Variants in PXDNL observed in about 807,000 individuals in gnomAD.
The protein encoded by PXDNL is peroxidasin like.
In PXDNL, 145 loss-of-function variants were observed where a neutral mutation model predicts 150.8. The ratio of observed to expected loss-of-function variants is 0.96; its 90% CI spans 0.84 to 1.10. PXDNL has a LOEUF of 1.10. Ranked by LOEUF, PXDNL falls within the 50% of genes least tolerant of loss-of-function variation. The pLI is 0.00. For synonymous variants in PXDNL, 757 were observed against 725.7 expected (o/e 1.04, Z -0.69); for missense variants, 2,087 against 1,873.9 (o/e 1.11, Z -2.10).
At chr8:51,625,123 TAG>T (rs1203380808) in intron 2 of PXDNL, among the ~76,000 whole-genome samples, 1 of 152,030 alleles carries the variant, frequency 6.6e-6, no homozygotes, top group Non-Finnish European at 1.5e-5. Flanking sequence ...AGCTACACAA[TAG>T]AGAGAGCATT....
intron 17 of PXDNL, among the ~76,000 whole-genome samples, chr8:51,375,038 T>C (rs1168467666): frequency 6.6e-6 from 1 of 152,150 alleles, no homozygotes; most frequent in Admixed American, 6.5e-5. Context: ...TATATATATA[T>C]ATGCAAGTGT....
At chr8:51,442,658 T>G (rs1371505963) in intron 12 of PXDNL, among the ~76,000 whole-genome samples, 1 of 151,964 alleles carries the variant, frequency 6.6e-6, no homozygotes, top group Non-Finnish European at 1.5e-5. Flanking sequence ...TAAAATATGT[T>G]AATTAATAAA....
intron 1 of PXDNL, among the ~76,000 whole-genome samples, chr8:51,673,676 T>C (rs1384898764): frequency 1.3e-5 from 2 of 152,176 alleles, no homozygotes; most frequent in African/African-American, 2.4e-5. Context: ...GTTTTTAACT[T>C]TTTCAATCCT....
chr8:51,632,723 G>A (rs777939861), intron 2 of PXDNL, among the ~76,000 whole-genome samples: 9 of 152,100 alleles, frequency 5.9e-5, no homozygotes, highest in Non-Finnish European at 1.2e-4. Context: ...CCATAAGTAA[G>A]TCCAAAGTAT....
intron 1 of PXDNL, among the ~76,000 whole-genome samples, chr8:51,799,708 G>A (rs982277398): frequency 5.9e-5 from 9 of 152,180 alleles, no homozygotes; most frequent in Admixed American, 4.6e-4. Context: ...AACAGGGCAA[G>A]GTGAGCCAGG....
intron 4 of PXDNL, among the ~76,000 whole-genome samples, chr8:51,540,118 G>A (rs746331291): frequency 5.3e-5 from 8 of 151,986 alleles, no homozygotes; most frequent in East Asian, 1.9e-4. Context: ...GGCTGGTCTC[G>A]AACTCCTGGC....
At chr8:51,511,012 T>C (rs1449347808) in intron 4 of PXDNL, among the ~76,000 whole-genome samples, 1 of 152,074 alleles carries the variant, frequency 6.6e-6, no homozygotes, top group Non-Finnish European at 1.5e-5. Context: ...GCTATCGTGG[T>C]CTAGGAAAGA....
Position 51,390,349 on chromosome 8 carries a change from A to T in PXDNL, c.3558-15618T>A, listed in dbSNP as rs536250035. Among the ~76,000 whole-genome samples, 332 of 152,302 alleles carry T rather than the reference A, an allele frequency of 2.2e-3. 1 individual carries two copies. Among genetic ancestry groups the T allele is most frequent in the African/African-American group, 7.7e-3 (320 of 41,576 alleles). On this transcript the variant is annotated intron_variant, in intron 17 of 22. Coordinates refer to ENST00000356297, the MANE Select transcript of PXDNL (RefSeq NM_144651.5). ...GTGGCAACCAATGAATAATATGCCC[A>T]GGGAAGTGGAAACTCAGATAGATCA...
intron 1 of PXDNL, among the ~76,000 whole-genome samples, chr8:51,742,796 C>G (rs1051084707): frequency 2.0e-5 from 3 of 152,218 alleles, no homozygotes; most frequent in African/African-American, 7.2e-5. Flanking sequence ...ATGATTGTCA[C>G]ATGAAAATAG....
At chr8:51,768,899 T>C (rs2037260250) in intron 1 of PXDNL, among the ~76,000 whole-genome samples, 1 of 152,082 alleles carries the variant, frequency 6.6e-6, no homozygotes, top group African/African-American at 2.4e-5. Flanking sequence ...ATCGAGACTA[T>C]CCTGGCTAAC....
chr8:51,685,894 A>C (rs1344921066), intron 1 of PXDNL, among the ~76,000 whole-genome samples: 1 of 152,236 alleles, frequency 6.6e-6, no homozygotes, highest in Non-Finnish European at 1.5e-5. Flanking sequence ...AGGTGTACCC[A>C]CAGCAACAAA....
At chr8:51,339,815 TATC>T in intron 20 of PXDNL, 62 bp from the exon 21 acceptor site, 2 of 1,521,130 alleles carry the variant, frequency 1.3e-6, no homozygotes, top group Non-Finnish European at 9.0e-7. Flanking sequence ...AATTTTAAAA[TATC>T]ATCAAATCTT....
chr8:51,691,757 C>A (rs988574866), intron 1 of PXDNL, among the ~76,000 whole-genome samples: 2 of 152,132 alleles, frequency 1.3e-5, no homozygotes, highest in African/African-American at 4.8e-5. Flanking sequence ...TCTAAAAGCA[C>A]TACCTTATGA....
At chr8:51,428,095 G>T (rs1248206337) in intron 12 of PXDNL, among the ~76,000 whole-genome samples, 1 of 152,056 alleles carries the variant, frequency 6.6e-6, no homozygotes, top group African/African-American at 2.4e-5. Context: ...TATGGACATA[G>T]ATCTTTTTAA....
intron 12 of PXDNL, among the ~76,000 whole-genome samples, chr8:51,442,110 T>C (rs1325831384): frequency 1.3e-5 from 2 of 152,090 alleles, no homozygotes; most frequent in Non-Finnish European, 1.5e-5. Context: ...CTTCCATATG[T>C]CTACTGAGTT....
Position 51,720,890 on chromosome 8 carries a change from A to G in PXDNL, c.165-66130T>C, listed in dbSNP as rs1816717029. Among the ~76,000 whole-genome samples, 7 of 152,396 alleles carry G rather than the reference A, an allele frequency of 4.6e-5. No homozygotes were observed. In the South Asian group the frequency reaches 1.4e-3, roughly 32 times the overall value. ...ATAAGAGCAAGTGTTCAGTACTTCC[A>G]GGCACAACAGAGGGAACTCCACAGG... On this transcript the variant is annotated intron_variant, in intron 1 of 22. Transcript: ENST00000356297.
intron 17 of PXDNL, among the ~76,000 whole-genome samples, chr8:51,395,784 A>G (rs1429342435): frequency 6.6e-6 from 1 of 152,192 alleles, no homozygotes; most frequent in Non-Finnish European, 1.5e-5. Flanking sequence ...TTGTTTTGGC[A>G]GAGGATAAAA....
chr8:51,629,963 A>G (rs1814457499), intron 2 of PXDNL, among the ~76,000 whole-genome samples: 1 of 152,312 alleles, frequency 6.6e-6, no homozygotes, highest in South Asian at 2.1e-4. Flanking sequence ...GAACCAAAAA[A>G]AAACCCATAT....
intron 19 of PXDNL, among the ~76,000 whole-genome samples, chr8:51,347,396 T>C (rs763449283): frequency 9.2e-5 from 14 of 152,180 alleles, no homozygotes; most frequent in East Asian, 3.8e-4. Flanking sequence ...GTAAAACTTA[T>C]ACATATGAAC....
Sources: gnomAD v4.1 joint callset for allele counts (sites outside exome capture counted in the v4.1 genomes callset) on GRCh38, gnomAD v4.1.1 for gene constraint, MANE v1.5 for transcripts, NCBI Gene and HGNC (gene_info 2026-07-23, HGNC 2026-07-21) for gene names.